Variants in DNAH10 observed in about 807,000 individuals in gnomAD.
DNAH10 encodes axonemal beta dynein heavy chain 10.
Under a neutral mutation model 506.6 loss-of-function variants are expected in DNAH10, and 348 were observed. That is an observed-to-expected ratio of 0.69 (90% CI 0.63 to 0.75). The LOEUF (loss-of-function observed/expected upper bound fraction) is 0.75. DNAH10 is among the 30% of genes least tolerant of loss of function. The pLI is 0.00. For synonymous variants in DNAH10, 2,059 were observed against 2,198.6 expected, an observed-to-expected ratio of 0.94 and a Z score of 1.78; for missense variants, 5,179 against 5,787.1, an observed-to-expected ratio of 0.89 and a Z score of 3.41.
At chr12:123,881,901 A>G in intron 51 of DNAH10, 88 bp downstream of exon 51, 1 of 1,215,336 alleles carries the variant, frequency 8.2e-7, no homozygotes, top group Non-Finnish European at 1.1e-6. Flanking sequence ...AATCCACAGC[A>G]GATCATAGCA....
Position 123,850,188 on chromosome 12 carries a change from AT to A in DNAH10, c.6103-696del, listed in dbSNP as rs5801526. On this transcript the variant is annotated intron_variant, in intron 34 of 78. Transcript: ENST00000673944. The surrounding 1 kb of genome is among the most constrained non-coding windows in gnomAD (Gnocchi z 5.5). ...CAGACTGTGCCTCCTAACAACAAAA[AT>A]TTTCTGTCCTCTGCCTGGCTGGTGG... Among the ~76,000 whole-genome samples the A allele has an allele frequency of 0.63, 95,355 of 151,550 alleles. 31,134 individuals carry two copies. Among genetic ancestry groups the A allele is most frequent in the African/African-American group, 0.79 (32,564 of 41,324 alleles).
At chr12:123,766,166 T>C (rs1270869522) in intron 1 of DNAH10, among the ~76,000 whole-genome samples, 1 of 152,076 alleles carries the variant, frequency 6.6e-6, no homozygotes, top group Non-Finnish European at 1.5e-5. Context: ...TACATCTATC[T>C]CTCTCTATCT....
rs200148614 is a variant in DNAH10, at chr12:123,847,263, T to C, written c.5815-698T>C. Among the ~76,000 whole-genome samples the C allele has an allele frequency of 1.4e-3, 164 of 118,058 alleles. 1 individual carries two copies. The highest frequency in any genetic ancestry group is 5.4e-3 in the African/African-American group (146 of 26,858). The allele number at this position is 118,058 out of a possible 152,430, so 77.5% of individuals were successfully genotyped here. A position where few individuals can be genotyped will look rare whatever the true frequency, so the allele number is the denominator to read the frequency against. ...CTATCTATCTATCTATCTATCTATC[T>C]ATCCATCCATCCATCCTGTCTATTT... On this transcript the variant is annotated intron_variant, in intron 32 of 78. Coordinates refer to ENST00000673944, the MANE Select transcript of DNAH10 (RefSeq NM_001372106.1).
Position 123,768,548 on chromosome 12 carries a change from T to C in DNAH10, c.298+859T>C, listed in dbSNP as rs78405445. The stretch of plus-strand genomic sequence containing the variant: ...GCAAAGACCCTGTTTCCAAATGAGG[T>C]CACAGCTTTAGGACATGCATTGTGG... On this transcript the variant is annotated intron_variant, in intron 2 of 78. Transcript: ENST00000673944. Among the ~76,000 whole-genome samples the C allele has an allele frequency of 9.5e-3, 1,454 of 152,260 alleles. 12 individuals are homozygous for C. Among genetic ancestry groups the C allele is most frequent in the Non-Finnish European group, 0.015 (1,024 of 68,014 alleles).
At chr12:123,803,349 G>T (rs1412358054) in intron 16 of DNAH10, among the ~76,000 whole-genome samples, 1 of 152,152 alleles carries the variant, frequency 6.6e-6, no homozygotes, top group Non-Finnish European at 1.5e-5. Context: ...CAGAGTGGAG[G>T]TTCAGGGAGC....
At chr12:123,927,363 GT>G in intron 69 of DNAH10, 1 of 168,374 alleles carries the variant, frequency 5.9e-6, no homozygotes. Context: ...AGGCTGTGCT[GT>G]TTTCAAAGCC....
chr12:123,845,842 A>T lies in DNAH10; in HGVS notation c.5603A>T (p.Asp1868Val). The change falls in exon 31 of 79, where the codon GAC (aspartate) becomes GTC (valine). Residue 1868 changes from aspartate to valine, a missense_variant. Asp to Val is a radical substitution (Grantham distance 152). Coordinates refer to ENST00000673944, the MANE Select transcript of DNAH10 (RefSeq NM_001372106.1). ...TVLIIDVHAR[D>V]IVDSFIRGSI... is the part of the protein sequence containing the mutation. ...CTCATCATTGATGTGCATGCCAGAGACATAGTTGATTCTTTCATAAGAGGC... is the reference window on the plus strand; with the variant it reads ...CTCATCATTGATGTGCATGCCAGAGTCATAGTTGATTCTTTCATAAGAGGC... The T allele has an allele frequency of 6.2e-7, 1 of 1,614,002 alleles. No homozygotes were observed. The highest frequency in any genetic ancestry group is 8.5e-7 in the Non-Finnish European group (1 of 1,179,886).
chr12:123,923,830 G>C lies in DNAH10; in HGVS notation c.11574G>C (p.Gly3858=), dbSNP rs761876787. 3.1e-6 allele frequency: 5 copies of C among 1,612,048 alleles called. No homozygotes were observed. In the East Asian group the frequency reaches 1.1e-4, roughly 36 times the overall value. ...NMTIKIEQAE[G]RVPQEELDFF... ...CCATCAAGATAGAACAAGCAGAAGG[G>C]AGAGTCCCTCAAGAAGAACTAGATT... The change falls in exon 66 of 79, where the codon GGG becomes GGC. Residue 3858 remains glycine (G), a synonymous_variant. Transcript: ENST00000673944.
At chr12:123,784,388 A>G (rs2136034475) in intron 8 of DNAH10, among the ~76,000 whole-genome samples, 1 of 152,226 alleles carries the variant, frequency 6.6e-6, no homozygotes, top group African/African-American at 2.4e-5. Context: ...CTCTCCAAAA[A>G]ATACAAAAAT....
rs185822607 is a variant in DNAH10 at position 123,847,928 on chromosome 12, G to T, written c.5815-33G>T. The T allele has an allele frequency of 1.3e-5, 20 of 1,577,638 alleles. No individual in the cohort carries two copies. The African/African-American group carries it at 2.5e-4, about 20-fold the overall frequency. On this transcript the variant is annotated intron_variant, in intron 32 of 78. Coordinates refer to ENST00000673944, the MANE Select transcript of DNAH10 (RefSeq NM_001372106.1). Reference sequence around the variant, plus strand: ...GACACCCACTTCCTTCTGTGCACCAGAAAACATATGTTTTGCATTTGGCTT... The same window carrying T: ...GACACCCACTTCCTTCTGTGCACCATAAAACATATGTTTTGCATTTGGCTT...
At chr12:123,904,294 G>A (rs943717397) in intron 57 of DNAH10, among the ~76,000 whole-genome samples, 2 of 152,136 alleles carry the variant, frequency 1.3e-5, no homozygotes, top group African/African-American at 4.8e-5. Context: ...TTTAGGCTGA[G>A]GTACCAGGAC....
Position 123,850,488 on chromosome 12 carries a change from T to C in DNAH10, c.6103-400T>C, listed in dbSNP as rs543649136. Among the ~76,000 whole-genome samples, 1 of 152,318 alleles carries C rather than the reference T, an allele frequency of 6.6e-6. No individual in the cohort carries two copies. Among genetic ancestry groups the C allele is most frequent in the South Asian group, 2.1e-4 (1 of 4,828 alleles). On this transcript the variant is annotated intron_variant, in intron 34 of 78. Coordinates refer to ENST00000673944, the MANE Select transcript of DNAH10 (RefSeq NM_001372106.1). The surrounding 1 kb of genome is among the most constrained non-coding windows in gnomAD (Gnocchi z 5.5). ...TGGGCTGGGCGCTCCCAACCTGGGCTGTCTCCTTTCATCGCCACAGCCGTG... is the reference window on the plus strand; with the variant it reads ...TGGGCTGGGCGCTCCCAACCTGGGCCGTCTCCTTTCATCGCCACAGCCGTG...
chr12:123,929,179 A>T, intron 70 of DNAH10, 96 bp from the exon 71 acceptor site: 1 of 1,288,600 alleles, frequency 7.8e-7, no homozygotes, highest in Non-Finnish European at 1.1e-6. Flanking sequence ...ATGGCTCCGT[A>T]GAGAGGAAGG....
intron 35 of DNAH10, among the ~76,000 whole-genome samples, chr12:123,851,667 G>A (rs780301827): frequency 1.3e-5 from 2 of 152,138 alleles, no homozygotes; most frequent in African/African-American, 2.4e-5. Context: ...ATTTCACCAG[G>A]TTTCACATTC....
At chr12:123,777,164 C>T (rs1957472688) in intron 5 of DNAH10, among the ~76,000 whole-genome samples, 1 of 152,182 alleles carries the variant, frequency 6.6e-6, no homozygotes, top group South Asian at 2.1e-4. Context: ...CTCTACGCTG[C>T]CTTCTCCACA....
chr12:123,801,428 A>G lies in DNAH10; in HGVS notation c.2610A>G (p.Ser870=). 1 of 1,613,184 alleles carries G rather than the reference A, an allele frequency of 6.2e-7. No homozygotes were observed. The highest frequency in any genetic ancestry group is 8.5e-7 in the Non-Finnish European group (1 of 1,179,694). ...GATATAAGAGGTTGAACTGGAACTC[A>G]CTAGGTAACGTCATTCATCTATTGA... is the stretch of plus-strand genomic sequence containing the variant. ...RSGYKRLNWN[S]LGIGDYITGC... is the part of the protein sequence containing the mutation. The change falls in exon 16 of 79, where the codon TCA becomes TCG. Residue 870 remains serine, a synonymous_variant. Transcript: ENST00000673944.
At position 123,853,364 on chromosome 12, in the gene DNAH10, G is replaced by T; in HGVS notation, c.6438+12G>T. The T allele has an allele frequency of 6.2e-7, 1 of 1,606,988 alleles. No homozygotes were observed. The highest frequency in any genetic ancestry group is 8.5e-7 in the Non-Finnish European group (1 of 1,177,008). ...CTGACCTTAGGGAGGTAGGGGCCAC[G>T]TGCTGGAACATTCTCTGGTTTCAGC... is the stretch of plus-strand genomic sequence containing the variant. On this transcript the variant is annotated intron_variant, in intron 36 of 78. Coordinates refer to ENST00000673944, the MANE Select transcript of DNAH10 (RefSeq NM_001372106.1). This position sits in a 1 kb window ranked among gnomAD's most constrained non-coding sequence, Gnocchi z 4.7.
chr12:123,888,360 T>G (rs1020010419), intron 52 of DNAH10, among the ~76,000 whole-genome samples: 4 of 152,222 alleles, frequency 2.6e-5, no homozygotes, highest in African/African-American at 2.4e-5. Context: ...CCCCTGGATC[T>G]TGAGAACGAG....
chr12:123,851,741 G>A (rs115860452), intron 35 of DNAH10, among the ~76,000 whole-genome samples: 81 of 152,298 alleles, frequency 5.3e-4, no homozygotes, highest in African/African-American at 1.5e-3. Context: ...GGGAGTGGCC[G>A]TCACCACATC....
Sources: allele counts gnomAD v4.1 joint callset (sites outside exome capture counted in the v4.1 genomes callset), GRCh38; gene constraint gnomAD v4.1.1; non-coding constraint Gnocchi (gnomAD v3.1); transcripts MANE v1.5; gene names NCBI Gene and HGNC (gene_info 2026-07-23, HGNC 2026-07-21).